Variants in CACNB1 observed in about 807,000 individuals in gnomAD.
The protein encoded by CACNB1 is voltage-dependent L-type calcium channel subunit beta-1.
A neutral mutation model predicts 71.6 loss-of-function variants in CACNB1; 29 were observed. The observed-to-expected ratio is 0.40, with a 90% CI of 0.30 to 0.55. CACNB1 has a LOEUF of 0.55. Ranked by LOEUF, CACNB1 falls within the 20% of genes least tolerant of loss-of-function variation. The pLI, the probability that CACNB1 is intolerant of heterozygous loss-of-function variation, is 0.38. For synonymous variants in CACNB1, 300 were observed against 319.6 expected, an observed-to-expected ratio of 0.94 and a Z score of 0.65; for missense variants, 623 against 801.8, an observed-to-expected ratio of 0.78 and a Z score of 2.69.
chr17:39,192,654 G>T (rs1272027644), intron 2 of CACNB1: 1 of 152,562 alleles, frequency 6.6e-6, no homozygotes, highest in Non-Finnish European at 1.5e-5. Flanking sequence ...AGGTTATGTG[G>T]CAAAAGAGGA....
chr17:39,184,759 T>C, intron 8 of CACNB1, 25 bp downstream of exon 8: 13 of 1,512,898 alleles, frequency 8.6e-6, no homozygotes, highest in Non-Finnish European at 1.2e-5. Context: ...CCCCTCTGCA[T>C]CCACTCCCCT....
At chr17:39,188,985 G>A (rs1276313095) in intron 3 of CACNB1, among the ~76,000 whole-genome samples, 1 of 152,174 alleles carries the variant, frequency 6.6e-6, no homozygotes, top group Non-Finnish European at 1.5e-5. Context: ...GGAGGTTGCA[G>A]TGAGCTGAGA....
At chr17:39,196,808 T>G in intron 1 of CACNB1, among the ~76,000 whole-genome samples, 1 of 134,218 alleles carries the variant, frequency 7.5e-6, no homozygotes, top group South Asian at 2.8e-4. Flanking sequence ...GTGGGGTAAG[T>G]CAACGTGGGT....
In CACNB1 at chr17:39,191,687, C is replaced by T. The variant is rs1028557657; in HGVS notation, c.172-94G>A. The T allele has an allele frequency of 2.3e-5, 31 of 1,320,660 alleles. 1 individual carries two copies. The highest frequency in any genetic ancestry group is 2.1e-4 in the Middle Eastern group (1 of 4,828). 81.8% of individuals were successfully genotyped at this position (1,320,660 alleles called of 1,614,324 possible). A position where few individuals can be genotyped will look rare whatever the true frequency, so the allele number is the denominator to read the frequency against. On this transcript the variant is annotated intron_variant, in intron 2 of 13. Coordinates refer to ENST00000394303, the MANE Select transcript of CACNB1 (RefSeq NM_000723.5). ...GAGGTGCCACCCATCATGGATGCCT[C>T]GAGCCCCAGCCAGCCCAGCATGACA...
At position 39,173,853 on chromosome 17, in the gene CACNB1, T is replaced by G. The variant is rs2045515844; in HGVS notation, c.*1340A>C. 1 of 148,218 alleles carries G rather than the reference T, an allele frequency of 6.7e-6. No homozygotes were observed. Among genetic ancestry groups the G allele is most frequent in the South Asian group, 2.2e-4 (1 of 4,630 alleles). 9.2% of individuals were successfully genotyped at this position (148,218 alleles called of 1,614,324 possible). On this transcript the variant is annotated 3_prime_UTR_variant, in exon 14 of 14. Transcript: ENST00000394303. ...TGGCAAAATACTTCTCCTAGGGGAG[T>G]ACAGACAAATATAGACAGACAGATG...
intron 3 of CACNB1, among the ~76,000 whole-genome samples, chr17:39,188,852 T>C (rs1192407047): frequency 6.6e-6 from 1 of 151,678 alleles, no homozygotes; most frequent in East Asian, 1.9e-4. Flanking sequence ...AGACCAGCCA[T>C]GACTAACATG....
At position 39,183,734 on chromosome 17, in the gene CACNB1, G is replaced by A. The variant is rs2045850994; in HGVS notation, c.1029C>T (p.Tyr343=). The A allele has an allele frequency of 3.7e-6, 6 of 1,609,132 alleles. No homozygotes were observed. Among genetic ancestry groups the A allele is most frequent in the Non-Finnish European group, 5.1e-6 (6 of 1,177,612 alleles). Residue 343 remains tyrosine, a synonymous_variant, in exon 11 of 14, where the codon TAC becomes TAT. Transcript: ENST00000394303. ...CCACCTTGGGAGAGGTGATCTTGATGTAAACAATGATGGGGGCCAGCGAGG... is the reference window on the plus strand; with the variant it reads ...CCACCTTGGGAGAGGTGATCTTGATATAAACAATGATGGGGGCCAGCGAGG... ...SKTSLAPIIV[Y]IKITSPKVLQ... is the part of the protein sequence containing the mutation.
At chr17:39,178,297 C>A (rs1263211252) in intron 11 of CACNB1, 3 of 448,538 alleles carry the variant, frequency 6.7e-6, no homozygotes, top group Admixed American at 3.6e-5. Context: ...TTATGCCAGC[C>A]TTCCTTAGGG....
intron 13 of CACNB1, among the ~76,000 whole-genome samples, chr17:39,176,951 A>C (rs1351477101): frequency 6.6e-6 from 1 of 152,110 alleles, no homozygotes. Context: ...TGGGTCTAAA[A>C]AGGGTGTGGA....
intron 11 of CACNB1, among the ~76,000 whole-genome samples, chr17:39,178,632 C>T (rs1381447326): frequency 6.6e-6 from 1 of 152,056 alleles, no homozygotes; most frequent in African/African-American, 2.4e-5. Context: ...ATCCACTTGC[C>T]TCAGCCTCTC....
chr17:39,187,637 G>C, intron 3 of CACNB1, 36 bp from the exon 4 acceptor site: 1 of 1,612,570 alleles, frequency 6.2e-7, no homozygotes, highest in Non-Finnish European at 8.5e-7. Context: ...GGCAACTAGA[G>C]GGCAAACCAC....
chr17:39,184,166 CA>C, intron 9 of CACNB1, 26 bp from the exon 10 acceptor site: 3 of 1,479,404 alleles, frequency 2.0e-6, no homozygotes, highest in Non-Finnish European at 2.8e-6. Context: ...AGAGGGGAGT[CA>C]GGGGTCAGGG....
At chr17:39,192,424 C>T (rs2046102525) in intron 2 of CACNB1, 1 of 152,408 alleles carries the variant, frequency 6.6e-6, no homozygotes, top group East Asian at 1.9e-4. Flanking sequence ...AATGCACGTG[C>T]TTCTTCATGT....
intron 12 of CACNB1, 137 bp from the exon 13 acceptor site, chr17:39,177,672 G>A (rs2045621605): frequency 2.9e-6 from 2 of 695,392 alleles, no homozygotes; most frequent in South Asian, 1.9e-5. Context: ...GATGTAGAAG[G>A]GAAGGAGAGC....
At position 39,194,701 on chromosome 17, in the gene CACNB1, C is replaced by T. The variant is rs7221310; in HGVS notation, c.171+183G>A. 5.5e-3 allele frequency among the ~76,000 whole-genome samples: 837 copies of T among 152,056 alleles called. 8 individuals carry two copies. Among genetic ancestry groups the T allele is most frequent in the African/African-American group, 0.019 (803 of 41,442 alleles). ...GGGCCGGGCAGGGGCGGGGGCTGAG[C>T]GAGTGGGTGCCGCTGACAGCACATC... On this transcript the variant is annotated intron_variant, in intron 2 of 13. Transcript: ENST00000394303. The surrounding 1 kb of genome is among the most constrained non-coding windows in gnomAD (Gnocchi z 4.6).
At chr17:39,185,198 G>C in intron 6 of CACNB1, 48 bp from the exon 7 acceptor site, 2 of 1,481,826 alleles carry the variant, frequency 1.3e-6, no homozygotes, top group Non-Finnish European at 1.9e-6. Context: ...AGAGAGGGAA[G>C]GGGACCCAGG....
Position 39,194,513 on chromosome 17 carries a change from C to T in CACNB1, c.171+371G>A, listed in dbSNP as rs2046161294. Among the ~76,000 whole-genome samples the T allele has an allele frequency of 6.6e-6, 1 of 152,150 alleles. No individual in the cohort carries two copies. Among genetic ancestry groups the T allele is most frequent in the South Asian group, 2.1e-4 (1 of 4,830 alleles). ...CTGCTTTTCCTAGGACCTGCCTCCA[C>T]CCAACCCTGTCACAGATTCTGGGGG... On this transcript the variant is annotated intron_variant, in intron 2 of 13. Coordinates refer to ENST00000394303, the MANE Select transcript of CACNB1 (RefSeq NM_000723.5). This position sits in a 1 kb window ranked among gnomAD's most constrained non-coding sequence, Gnocchi z 4.6.
chr17:39,184,961 C>A, intron 7 of CACNB1, 97 bp from the exon 8 acceptor site: 1 of 1,045,658 alleles, frequency 9.6e-7, no homozygotes, highest in East Asian at 2.4e-5. Flanking sequence ...TTCCCCCACC[C>A]TGGTCCCAGA....
chr17:39,177,882 C>T, intron 12 of CACNB1, 102 bp downstream of exon 12: 1 of 933,766 alleles, frequency 1.1e-6, no homozygotes, highest in Non-Finnish European at 1.8e-6. Flanking sequence ...ACAGGCCTGA[C>T]CCAGGTGTTC....
Sources: gnomAD v4.1 joint callset for allele counts (sites outside exome capture counted in the v4.1 genomes callset) on GRCh38, gnomAD v4.1.1 for gene constraint, Gnocchi (gnomAD v3.1) non-coding constraint, MANE v1.5 for transcripts, NCBI Gene and HGNC (gene_info 2026-07-23, HGNC 2026-07-21) for gene names.